The following ANXA2 variants were observed in gnomAD, a reference collection of about 807,000 sequenced individuals.
ANXA2 encodes annexin II.
ANXA2 carries 28 observed loss-of-function variants against 47.3 expected under a neutral mutation model. That is an observed-to-expected ratio of 0.59 (90% confidence interval 0.44 to 0.81). ANXA2 has a LOEUF of 0.81. Ranked by LOEUF, ANXA2 falls within the 40% of genes least tolerant of loss-of-function variation. The pLI is 0.00. For missense variants in ANXA2, 384 were observed against 414.3 expected, an observed-to-expected ratio of 0.93 and a Z score of 0.64; for synonymous variants, 172 against 155.5, an observed-to-expected ratio of 1.11 and a Z score of -0.79.
intron 1 of ANXA2, among the ~76,000 whole-genome samples, chr15:60,388,753 T>A (rs1458239768): frequency 6.7e-6 from 1 of 149,694 alleles, no homozygotes; most frequent in East Asian, 2.0e-4. Context: ...TTTTTTTTTT[T>A]GTCTGAGACA....
intron 3 of ANXA2, among the ~76,000 whole-genome samples, chr15:60,369,400 C>T (rs2062683174): frequency 6.6e-6 from 1 of 152,190 alleles, no homozygotes; most frequent in African/African-American, 2.4e-5. Flanking sequence ...AATTTTATTA[C>T]CCACAACTGA....
intron 1 of ANXA2, among the ~76,000 whole-genome samples, chr15:60,388,672 C>T (rs1290084358): frequency 1.3e-5 from 2 of 149,506 alleles, no homozygotes; most frequent in Non-Finnish European, 3.0e-5. Context: ...TGGGCTCAAG[C>T]AATCCCTCCG....
intron 3 of ANXA2, among the ~76,000 whole-genome samples, chr15:60,371,280 G>T (rs914577334): frequency 1.3e-5 from 2 of 152,212 alleles, no homozygotes; most frequent in Non-Finnish European, 2.9e-5. Flanking sequence ...GCTTTGCCAA[G>T]GGAATGCCAC....
chr15:60,393,134 C>T (rs2063036302), intron 1 of ANXA2: 1 of 1,282,212 alleles, frequency 7.8e-7, no homozygotes, highest in African/African-American at 1.5e-5. Context: ...TGGAATTCGG[C>T]CCAGTGACCT....
intron 2 of ANXA2, 51 bp downstream of exon 2, chr15:60,385,965 TATGGTTATCCAG>T (rs1487588245): frequency 1.8e-6 from 2 of 1,095,424 alleles, no homozygotes; most frequent in African/African-American, 3.1e-5. Context: ...TAGAGAGTAA[TATGGTTATCCAG>T]AGAGATGTCC....
chr15:60,365,048 C>G (rs2062573941), intron 3 of ANXA2, among the ~76,000 whole-genome samples: 1 of 147,864 alleles, frequency 6.8e-6, no homozygotes, highest in African/African-American at 2.5e-5. Context: ...TTTAACACGG[C>G]AGTTGTATTT....
chr15:60,393,647 G>A (rs888927987), intron 1 of ANXA2: 1 of 985,276 alleles, frequency 1.0e-6, no homozygotes, highest in Non-Finnish European at 1.2e-6. Context: ...GCTGACATCT[G>A]AATGAGTCTT....
chr15:60,388,473 G>A (rs2062962592), intron 1 of ANXA2, among the ~76,000 whole-genome samples: 1 of 151,244 alleles, frequency 6.6e-6, no homozygotes, highest in Admixed American at 6.6e-5. Context: ...GAGATTACGG[G>A]CATAAACCAC....
chr15:60,382,240 A>G (rs905778627), intron 3 of ANXA2, 102 bp downstream of exon 3: 6 of 836,028 alleles, frequency 7.2e-6, no homozygotes, highest in South Asian at 2.9e-5. Context: ...GCTCGATGAC[A>G]ATTTCAAATC....
At chr15:60,370,296 C>G (rs2062694690) in intron 3 of ANXA2, among the ~76,000 whole-genome samples, 2 of 152,182 alleles carry the variant, frequency 1.3e-5, no homozygotes, top group South Asian at 4.1e-4. Context: ...TACCGCCCTG[C>G]CCAAGAACCT....
chr15:60,373,419 A>G (rs1405956887), intron 3 of ANXA2, among the ~76,000 whole-genome samples: 1 of 152,098 alleles, frequency 6.6e-6, no homozygotes, highest in Non-Finnish European at 1.5e-5. Flanking sequence ...AGTGAGAGAG[A>G]TTTTTAGGGA....
At chr15:60,380,521 G>T (rs1595698599) in intron 3 of ANXA2, among the ~76,000 whole-genome samples, 1 of 150,656 alleles carries the variant, frequency 6.6e-6, no homozygotes, top group African/African-American at 2.4e-5. Flanking sequence ...AAAAAAGATT[G>T]GGCTGGGTGC....
chr15:60,385,260 G>A (rs1199496833), intron 2 of ANXA2, among the ~76,000 whole-genome samples: 2 of 152,134 alleles, frequency 1.3e-5, no homozygotes, highest in African/African-American at 4.8e-5. Flanking sequence ...TTCCAGGTGT[G>A]AAATTTTTTA....
rs942554200 is a variant in ANXA2, at chr15:60,375,430, G to A, written c.148+6912C>T. On this transcript the variant is annotated intron_variant, in intron 3 of 12. Coordinates refer to ENST00000451270, the MANE Select transcript of ANXA2 (RefSeq NM_004039.3). Reference sequence around the variant, plus strand: ...ATTACAGTCTATTTTCTGGAGTCTCGATTCATCCTTTTCTAATTTAGCTGA... The same window carrying A: ...ATTACAGTCTATTTTCTGGAGTCTCAATTCATCCTTTTCTAATTTAGCTGA... Among the ~76,000 whole-genome samples, 3 of 152,056 alleles carry A rather than the reference G, an allele frequency of 2.0e-5. No individual in the cohort carries two copies. The East Asian group carries it at 5.8e-4, about 29-fold the overall frequency.
At chr15:60,383,117 T>A (rs995753120) in intron 2 of ANXA2, 1 of 152,876 alleles carries the variant, frequency 6.5e-6, no homozygotes, top group African/African-American at 2.4e-5. Flanking sequence ...CCTTTCCCAA[T>A]GCTTTTCTTT....
intron 5 of ANXA2, among the ~76,000 whole-genome samples, chr15:60,357,669 T>C (rs1246812085): frequency 6.6e-6 from 1 of 151,940 alleles, no homozygotes; most frequent in Admixed American, 6.6e-5. Context: ...AGCGGGCGCC[T>C]GTAGTCCCAG....
intron 3 of ANXA2, among the ~76,000 whole-genome samples, chr15:60,372,692 CTTTTTTTTT>C (rs574095449): frequency 1.5e-5 from 2 of 132,738 alleles, no homozygotes; most frequent in African/African-American, 5.6e-5. Flanking sequence ...ACAATCTTTC[CTTTTTTTTT>C]TTTTTTTTTT....
At chr15:60,370,221 G>C (rs1330189839) in intron 3 of ANXA2, among the ~76,000 whole-genome samples, 1 of 152,186 alleles carries the variant, frequency 6.6e-6, no homozygotes, top group Non-Finnish European at 1.5e-5. Flanking sequence ...TTGCACAAGT[G>C]CTAATGCCAC....
intron 5 of ANXA2, among the ~76,000 whole-genome samples, chr15:60,359,740 C>G (rs964300594): frequency 6.6e-6 from 1 of 152,168 alleles, no homozygotes; most frequent in Non-Finnish European, 1.5e-5. Context: ...GCTTACAGCT[C>G]AGACTGTTCA....
Sources: gnomAD v4.1 joint callset for allele counts (sites outside exome capture counted in the v4.1 genomes callset) on GRCh38, gnomAD v4.1.1 for gene constraint, MANE v1.5 for transcripts, NCBI Gene and HGNC (gene_info 2026-07-23, HGNC 2026-07-21) for gene names.